The following NOX5 variants were observed in gnomAD, a reference collection of about 807,000 sequenced individuals.
NOX5 encodes the protein NADPH oxidase 5.
In NOX5, 76 loss-of-function variants were observed where a neutral mutation model predicts 85.7. The ratio of observed to expected loss-of-function variants is 0.89; its 90% CI spans 0.74 to 1.07. The LOEUF (loss-of-function observed/expected upper bound fraction) is 1.07. Among genes scored for constraint, NOX5 ranks in the 50% least tolerant of loss-of-function variants. The probability of loss-of-function intolerance (pLI) is 0.00; values close to 1 mark genes in which losing one functional copy is unlikely to be tolerated. For missense variants in NOX5, 973 were observed against 999.5 expected (o/e 0.97, Z 0.36); for synonymous variants, 405 against 401.4 (o/e 1.01, Z -0.11).
chr15:69,016,352 C>T (rs868436234), intron 1 of NOX5, among the ~76,000 whole-genome samples: 3 of 152,218 alleles, frequency 2.0e-5, no homozygotes, highest in East Asian at 3.9e-4. Flanking sequence ...TTTGGACTGG[C>T]CTCTGGCAGG....
rs1447878242 is a variant in NOX5 at position 69,031,749 on chromosome 15, C to CA, written c.557_558insA (p.Phe187LeufsTer210). 1 of 1,611,516 alleles carries CA rather than the reference C, an allele frequency of 6.2e-7. No individual in the cohort carries two copies. The highest frequency in any genetic ancestry group is 8.5e-7 in the Non-Finnish European group (1 of 1,178,494). ...GACGCGGACGGCAACGGGGCCATCA[C>CA]CTTCGAGGAGCTCCGGGACGAGCTG... On this transcript the variant is annotated frameshift_variant, in exon 4 of 16. Transcript: ENST00000388866. LOFTEE classifies it high-confidence loss of function.
chr15:69,049,108 C>G (rs1483204969), intron 14 of NOX5, 50 bp downstream of exon 14: 3 of 1,200,534 alleles, frequency 2.5e-6, no homozygotes, highest in Non-Finnish European at 3.5e-6. Context: ...CAGGGGCCTT[C>G]AGCTTCTTTA....
intron 13 of NOX5, 130 bp downstream of exon 13, chr15:69,048,041 A>G: frequency 1.4e-6 from 1 of 729,222 alleles, no homozygotes. Context: ...CTTTCCCCAC[A>G]ATACCCTGAA....
chr15:69,036,484 T>C (rs1300207814), intron 7 of NOX5, among the ~76,000 whole-genome samples: 2 of 152,174 alleles, frequency 1.3e-5, no homozygotes, highest in Non-Finnish European at 2.9e-5. Context: ...CTTGACTATC[T>C]TGTGGCCTGA....
At chr15:69,021,758 T>G (rs1470142505) in intron 1 of NOX5, among the ~76,000 whole-genome samples, 1 of 152,226 alleles carries the variant, frequency 6.6e-6, no homozygotes, top group Non-Finnish European at 1.5e-5. Context: ...TATCTGTAAT[T>G]CTATTGCCTT....
At chr15:69,050,664 C>T (rs1428144699) in intron 14 of NOX5, among the ~76,000 whole-genome samples, 1 of 152,188 alleles carries the variant, frequency 6.6e-6, no homozygotes, top group African/African-American at 2.4e-5. Flanking sequence ...GCTGGAATTA[C>T]AGGTGTGAGC....
At position 69,033,158 on chromosome 15, in the gene NOX5, G is replaced by A. The variant is rs757620496; in HGVS notation, c.736G>A (p.Ala246Thr). Residue 246 changes from alanine to threonine, a missense_variant, in exon 5 of 16, where the codon GCA becomes ACA. By Grantham distance (58) the Ala-to-Thr change is moderately conservative. Coordinates refer to ENST00000388866, the MANE Select transcript of NOX5 (RefSeq NM_024505.4). Reference sequence around the variant, plus strand: ...CCAGCTGTTCTGCCTGGCCACCTATGCAGGCCTCCACGTGCTGCTCTTCGG... The same window carrying A: ...CCAGCTGTTCTGCCTGGCCACCTATACAGGCCTCCACGTGCTGCTCTTCGG... Reference protein sequence around the residue: ...RSQLFCLATYAGLHVLLFGLA... With the variant: ...RSQLFCLATYTGLHVLLFGLA... The A allele has an allele frequency of 5.7e-6, 9 of 1,580,758 alleles. No individual in the cohort carries two copies. The highest frequency in any genetic ancestry group is 6.8e-6 in the Non-Finnish European group (8 of 1,170,296).
intron 8 of NOX5, among the ~76,000 whole-genome samples, chr15:69,038,621 C>G (rs1428309684): frequency 6.6e-6 from 1 of 152,152 alleles, no homozygotes; most frequent in Non-Finnish European, 1.5e-5. Flanking sequence ...AGGGTAAAAC[C>G]AGGGGCCCCA....
At chr15:69,027,400 C>T (rs1348213884) in intron 2 of NOX5, among the ~76,000 whole-genome samples, 3 of 152,142 alleles carry the variant, frequency 2.0e-5, no homozygotes, top group Admixed American at 6.5e-5. Context: ...AGGTACTACC[C>T]AGGGATCCTG....
Position 69,020,359 on chromosome 15 carries a change from C to T in NOX5, c.50+5574C>T, listed in dbSNP as rs144124346. Among the ~76,000 whole-genome samples the T allele has an allele frequency of 2.7e-3, 415 of 152,270 alleles. 5 individuals carry two copies. The highest frequency in any genetic ancestry group is 9.8e-3 in the African/African-American group (407 of 41,572). On this transcript the variant is annotated intron_variant, in intron 1 of 15. Transcript: ENST00000388866. ...TTGGGATCCCTATCTTGTGCCCCTACTTAAAGATGATACAAATTTCCTATA... is the reference window on the plus strand; with the variant it reads ...TTGGGATCCCTATCTTGTGCCCCTATTTAAAGATGATACAAATTTCCTATA...
At chr15:69,035,272 G>T in intron 5 of NOX5, 82 bp from the exon 6 acceptor site, 1 of 1,466,882 alleles carries the variant, frequency 6.8e-7, no homozygotes, top group Middle Eastern at 1.8e-4. Flanking sequence ...GCTAGCTCAG[G>T]AGGATGCAGG....
In NOX5 at chr15:69,044,705, GA is replaced by G. The variant is rs1376434610; in HGVS notation, c.1647+1907del. 3.3e-5 allele frequency among the ~76,000 whole-genome samples: 5 copies of G among 152,304 alleles called. No individual in the cohort carries two copies. In the South Asian group the frequency reaches 1.0e-3, roughly 32 times the overall value. ...AAAAGTGTTGTGTATGTCTGTGTTA[GA>G]AAAAAATCTGTAAGGGCATAGAGAA... is the stretch of plus-strand genomic sequence containing the variant. On this transcript the variant is annotated intron_variant, in intron 10 of 15. Coordinates refer to ENST00000388866, the MANE Select transcript of NOX5 (RefSeq NM_024505.4).
Position 69,061,056 on chromosome 15 carries a change from CTGAG to C in NOX5, c.*4362_*4365del, listed in dbSNP as rs1326330723. On this transcript the variant is annotated 3_prime_UTR_variant, in exon 16 of 16. Transcript: ENST00000388866. ...TCTGTTTCCTGTATTTGTGTGTTAC[CTGAG>C]TAAGGTTTCACTTCCTGTATTACTC... The C allele has an allele frequency of 1.3e-5, 2 of 152,176 alleles. No individual in the cohort carries two copies. The highest frequency in any genetic ancestry group is 4.8e-5 in the African/African-American group (2 of 41,450). The allele number at this position is 152,176 out of a possible 1,614,324, so 9.4% of individuals were successfully genotyped here.
chr15:69,030,351 T>C (rs571472745), intron 3 of NOX5: 38 of 152,346 alleles, frequency 2.5e-4, no homozygotes, highest in African/African-American at 8.9e-4. Context: ...GAAAAGCTTT[T>C]CTTCAGCAAT....
chr15:69,034,087 T>C (rs1217353015), intron 5 of NOX5, among the ~76,000 whole-genome samples: 2 of 152,182 alleles, frequency 1.3e-5, no homozygotes, highest in Non-Finnish European at 2.9e-5. Flanking sequence ...AATAGACTTA[T>C]GGCACAAAGT....
Position 69,026,536 on chromosome 15 carries a change from G to A in NOX5, c.59G>A (p.Ser20Asn). 6.2e-7 allele frequency: 1 copy of A among 1,614,198 alleles called. No homozygotes were observed. Among genetic ancestry groups the A allele is most frequent in the Non-Finnish European group, 8.5e-7 (1 of 1,180,028 alleles). ...TTTCCTTTGCCTCCCAGCACCATGA[G>A]TGCCGAGGAGGATGCCAGGTGGCTC... ...TGPEGCRGTM[S>N]AEEDARWLRW... Residue 20 changes from serine (S) to asparagine (N), a missense_variant, in exon 2 of 16, where the codon AGT (serine) becomes AAT (asparagine). Ser to Asn is a conservative substitution (Grantham distance 46, BLOSUM62 1). Coordinates refer to ENST00000388866, the MANE Select transcript of NOX5 (RefSeq NM_024505.4).
chr15:69,045,548 C>G (rs2050655570), intron 10 of NOX5, among the ~76,000 whole-genome samples: 1 of 123,284 alleles, frequency 8.1e-6, no homozygotes, highest in Admixed American at 8.3e-5. Flanking sequence ...TTCTTTCTTT[C>G]TTTCTTTCTT....
chr15:69,055,281 C>T lies in NOX5; in HGVS notation c.2000-53C>T, dbSNP rs368763823. 996 of 1,572,714 alleles carry T rather than the reference C, an allele frequency of 6.3e-4. 16 individuals carry two copies. The South Asian group carries it at 0.011, about 17-fold the overall frequency. On this transcript the variant is annotated intron_variant, in intron 14 of 15. Transcript: ENST00000388866. ...AGGTAGTGGTTGGCATCCTGCCCTGCGCCCATGATGGGTACTAGACCCTCA... is the reference window on the plus strand; with the variant it reads ...AGGTAGTGGTTGGCATCCTGCCCTGTGCCCATGATGGGTACTAGACCCTCA...
At chr15:69,027,364 G>C (rs1232689142) in intron 2 of NOX5, among the ~76,000 whole-genome samples, 1 of 152,166 alleles carries the variant, frequency 6.6e-6, no homozygotes, top group Admixed American at 6.5e-5. Context: ...AAGACAAAGA[G>C]CATTCGGGAT....
Sources: allele counts gnomAD v4.1 joint callset (sites outside exome capture counted in the v4.1 genomes callset), GRCh38; gene constraint gnomAD v4.1.1; transcripts MANE v1.5; gene names NCBI Gene and HGNC (gene_info 2026-07-23, HGNC 2026-07-21).